The following BDKRB2 variants were observed in gnomAD, a reference collection of about 807,000 sequenced individuals.
BDKRB2 encodes the protein B2 bradykinin receptor.
Under a neutral mutation model 4.0 loss-of-function variants are expected in BDKRB2, and 6 were observed. The ratio of observed to expected loss-of-function variants is 1.49; its 90% CI spans 0.81 to 2.93. The LOEUF is 2.93. BDKRB2 is among the 30% of genes most tolerant of loss of function. The probability of loss-of-function intolerance (pLI) is 0.00; values close to 1 mark genes in which losing one functional copy is unlikely to be tolerated. For missense variants in BDKRB2, 478 were observed against 520.1 expected (o/e 0.92, Z 0.79); for synonymous variants, 225 against 215.3 (o/e 1.05, Z -0.40).
In BDKRB2 at chr14:96,241,111, G is replaced by A. The variant is rs1340560260; in HGVS notation, c.783G>A (p.Glu261=). 1 of 1,613,740 alleles carries A rather than the reference G, an allele frequency of 6.2e-7. No individual in the cohort carries two copies. Among genetic ancestry groups the A allele is most frequent in the Non-Finnish European group, 8.5e-7 (1 of 1,179,922 alleles). The stretch of plus-strand genomic sequence containing the variant: ...ACAACGAGATGCAGAAGTTCAAGGA[G>A]ATCCAGACAGAGAGGAGGGCCACGG... ...LRNNEMQKFK[E]IQTERRATVL... Residue 261 remains glutamate (E), a synonymous_variant, in exon 3 of 3, where the codon GAG becomes GAA. Transcript: ENST00000554311.
At chr14:96,234,256 G>C (rs1290128640) in intron 1 of BDKRB2, among the ~76,000 whole-genome samples, 1 of 152,218 alleles carries the variant, frequency 6.6e-6, no homozygotes, top group African/African-American at 2.4e-5. Context: ...GGGTGCCTCA[G>C]GGCTGGTACG....
At chr14:96,224,287 A>G (rs1890645337) in intron 1 of BDKRB2, among the ~76,000 whole-genome samples, 1 of 152,076 alleles carries the variant, frequency 6.6e-6, no homozygotes, top group South Asian at 2.1e-4. Flanking sequence ...AAAAGTTAAA[A>G]AGCAAAAAAA....
chr14:96,215,330 T>A (rs962735830), intron 1 of BDKRB2, among the ~76,000 whole-genome samples: 1 of 152,242 alleles, frequency 6.6e-6, no homozygotes, highest in Non-Finnish European at 1.5e-5. Flanking sequence ...ATTTGTTGAA[T>A]GGATATAAGA....
chr14:96,208,289 A>G (rs1890234698), intron 1 of BDKRB2, among the ~76,000 whole-genome samples: 1 of 152,164 alleles, frequency 6.6e-6, no homozygotes, highest in Admixed American at 6.5e-5. Context: ...GGCATGAAGT[A>G]TTTCTTTGAC....
chr14:96,225,293 G>T (rs1223684523), intron 1 of BDKRB2, among the ~76,000 whole-genome samples: 1 of 152,152 alleles, frequency 6.6e-6, no homozygotes, highest in South Asian at 2.1e-4. Flanking sequence ...GGGCACACCT[G>T]GTCCTGGGCC....
At chr14:96,213,759 GC>G (rs962068498) in intron 1 of BDKRB2, among the ~76,000 whole-genome samples, 1 of 151,824 alleles carries the variant, frequency 6.6e-6, no homozygotes, top group Non-Finnish European at 1.5e-5. Flanking sequence ...GGCACCCTTG[GC>G]CCCCCAAAAC....
Position 96,210,017 on chromosome 14 carries a change from A to G in BDKRB2, c.-40+5058A>G, listed in dbSNP as rs1890270127. Among the ~76,000 whole-genome samples the G allele has an allele frequency of 3.6e-5, 4 of 109,922 alleles. No individual in the cohort carries two copies. The South Asian group carries it at 1.1e-3, about 29-fold the overall frequency. The allele number at this position is 109,922 out of a possible 152,430, so 72.1% of individuals were successfully genotyped here. A position where few individuals can be genotyped will look rare whatever the true frequency, so the allele number is the denominator to read the frequency against. On this transcript the variant is annotated intron_variant, in intron 1 of 2. Coordinates refer to ENST00000554311, the MANE Select transcript of BDKRB2 (RefSeq NM_001379692.1). Reference sequence around the variant, plus strand: ...TCTCAAAATAATAATAATAATAATAATCATCATCATCATCATCATAGCATA... The same window carrying G: ...TCTCAAAATAATAATAATAATAATAGTCATCATCATCATCATCATAGCATA...
intron 1 of BDKRB2, among the ~76,000 whole-genome samples, chr14:96,209,649 A>G (rs1212905614): frequency 6.6e-6 from 1 of 152,226 alleles, no homozygotes; most frequent in Non-Finnish European, 1.5e-5. Context: ...TGGAGGAATC[A>G]TCAATTCCGC....
At chr14:96,222,974 C>G in intron 1 of BDKRB2, 2 of 625,516 alleles carry the variant, frequency 3.2e-6, no homozygotes, top group Non-Finnish European at 5.8e-6. Flanking sequence ...CCGCTCTAGG[C>G]TATGGAAAAT....
At chr14:96,213,163 C>T (rs1173154378) in intron 1 of BDKRB2, among the ~76,000 whole-genome samples, 1 of 152,182 alleles carries the variant, frequency 6.6e-6, no homozygotes, top group Non-Finnish European at 1.5e-5. Flanking sequence ...GCTGTGCCAA[C>T]ACAATAGGAC....
chr14:96,238,775 C>G, intron 2 of BDKRB2: 1 of 985,912 alleles, frequency 1.0e-6, no homozygotes, highest in Non-Finnish European at 1.2e-6. Flanking sequence ...ACCTCCAACC[C>G]CTTACCCACC....
rs564068130 is a variant in BDKRB2, at chr14:96,206,218, G to A, written c.-40+1259G>A. Among the ~76,000 whole-genome samples, 11 of 152,190 alleles carry A rather than the reference G, an allele frequency of 7.2e-5. No individual in the cohort carries two copies. In the South Asian group the frequency reaches 2.3e-3, roughly 32 times the overall value. On this transcript the variant is annotated intron_variant, in intron 1 of 2. Transcript: ENST00000554311. ...GCATTTGCTGTTTCCCCTGCTTGGG[G>A]TGAGAGCAGGGGACAGCCAAGAGAA... is the stretch of plus-strand genomic sequence containing the variant.
chr14:96,229,399 C>T (rs1374874806), intron 1 of BDKRB2, among the ~76,000 whole-genome samples: 1 of 152,158 alleles, frequency 6.6e-6, no homozygotes, highest in Non-Finnish European at 1.5e-5. Flanking sequence ...TGCCAGAACA[C>T]TCAGCCTTGG....
chr14:96,205,485 CG>C (rs1463991166), intron 1 of BDKRB2, among the ~76,000 whole-genome samples: 1 of 44,704 alleles, frequency 2.2e-5, no homozygotes, highest in African/African-American at 9.1e-5. Context: ...CAGAAGCAGG[CG>C]GGGGTGGGGG....
chr14:96,229,972 CAA>C (rs535349072), intron 1 of BDKRB2, among the ~76,000 whole-genome samples: 1 of 142,722 alleles, frequency 7.0e-6, no homozygotes, highest in Non-Finnish European at 1.5e-5. Flanking sequence ...TCTAAAAATA[CAA>C]AAAAAAAAAA....
chr14:96,238,024 G>T lies in BDKRB2; in HGVS notation c.74+843G>T, dbSNP rs871547. ...AATGGGGTTGAGGGTTGGACCAAGGGGACTACCCAGGGGAAGTCTTACCTT... is the reference window on the plus strand; with the variant it reads ...AATGGGGTTGAGGGTTGGACCAAGGTGACTACCCAGGGGAAGTCTTACCTT... On this transcript the variant is annotated intron_variant, in intron 2 of 2. Coordinates refer to ENST00000554311, the MANE Select transcript of BDKRB2 (RefSeq NM_001379692.1). 7.9e-4 allele frequency: 909 copies of T among 1,156,830 alleles called. 9 individuals are homozygous for T. The African/African-American group carries it at 0.013, about 17-fold the overall frequency. 71.7% of individuals were successfully genotyped at this position (1,156,830 alleles called of 1,614,324 possible).
chr14:96,231,557 A>G (rs529965257), intron 1 of BDKRB2, among the ~76,000 whole-genome samples: 8 of 152,274 alleles, frequency 5.3e-5, no homozygotes, highest in African/African-American at 1.7e-4. Context: ...TAAAAACAGC[A>G]TCCAGACTCA....
chr14:96,208,214 TG>T (rs1890233237), intron 1 of BDKRB2, among the ~76,000 whole-genome samples: 1 of 152,228 alleles, frequency 6.6e-6, no homozygotes, highest in Non-Finnish European at 1.5e-5. Context: ...CTGGTTTTCC[TG>T]GGGACCTAAG....
In BDKRB2 at chr14:96,241,134, C is replaced by T. The variant is rs199749772; in HGVS notation, c.806C>T (p.Thr269Met). The T allele has an allele frequency of 5.6e-6, 9 of 1,612,588 alleles. No homozygotes were observed. The highest frequency in any genetic ancestry group is 2.2e-5 in the East Asian group (1 of 44,866). Residue 269 changes from threonine (T) to methionine (M), a missense_variant, in exon 3 of 3, where the codon ACG becomes ATG. Transcript: ENST00000554311. ...FKEIQTERRA[T>M]VLVLVVLLLF... is the part of the protein sequence containing the mutation. ...GAGATCCAGACAGAGAGGAGGGCCA[C>T]GGTGCTAGTCCTGGTTGTGCTGCTG...
Sources: gnomAD v4.1 joint callset for allele counts (sites outside exome capture counted in the v4.1 genomes callset) on GRCh38, gnomAD v4.1.1 for gene constraint, MANE v1.5 for transcripts, NCBI Gene and HGNC (gene_info 2026-07-23, HGNC 2026-07-21) for gene names.